The following RGL1 variants were observed in gnomAD, a reference collection of about 807,000 sequenced individuals.
The protein encoded by RGL1 is ral guanine nucleotide dissociation stimulator-like 1.
Under a neutral mutation model 95.2 loss-of-function variants are expected in RGL1, and 24 were observed. The observed-to-expected ratio is 0.25, with a 90% CI of 0.18 to 0.35. The LOEUF (loss-of-function observed/expected upper bound fraction) is 0.35, where lower values mean the gene tolerates loss of function less well. Among genes scored for constraint, RGL1 ranks in the 10% least tolerant of loss-of-function variants. The pLI is 1.00. For synonymous variants in RGL1, 329 were observed against 344.9 expected (o/e 0.95, Z 0.51); for missense variants, 715 against 936.3 (o/e 0.76, Z 3.08).
At chr1:183,914,430 T>C (rs575031989) in intron 15 of RGL1, among the ~76,000 whole-genome samples, 1 of 152,294 alleles carries the variant, frequency 6.6e-6, no homozygotes, top group Admixed American at 6.5e-5. Context: ...AAGTAGCTCC[T>C]GGACTGCACA....
intron 2 of RGL1, among the ~76,000 whole-genome samples, chr1:183,820,934 AC>A (rs1476149559): frequency 2.0e-5 from 3 of 152,010 alleles, no homozygotes; most frequent in Admixed American, 1.3e-4. Flanking sequence ...GGAGTTTGAG[AC>A]CAGCCTGGCC....
At position 183,912,170 on chromosome 1, in the gene RGL1, A is replaced by G; in HGVS notation, c.1651A>G (p.Met551Val). ...TGCCAGCGGGAGCTCTGGTGAAAGC[A>G]TGGACTCTGTCAGCGTGTCATCCTG... ...STASGSSGES[M>V]DSVSVSSCES... is the part of the protein sequence containing the mutation. The change falls in exon 15 of 18, where the codon ATG becomes GTG. Residue 551 changes from methionine (M) to valine (V), a missense_variant. Met to Val is a conservative substitution (Grantham distance 21, BLOSUM62 1). Coordinates refer to ENST00000360851, the MANE Select transcript of RGL1 (RefSeq NM_001297671.3). 2 of 1,614,106 alleles carry G rather than the reference A, an allele frequency of 1.2e-6. No homozygotes were observed. The highest frequency in any genetic ancestry group is 1.7e-6 in the Non-Finnish European group (2 of 1,180,018).
rs149185305 is a variant in RGL1 at position 183,647,819 on chromosome 1, A to C, written c.-33+11318A>C. ...TTTCCTGGAATGACATTTGAGGCAT[A>C]TTTAAGTGCCTTACGATATTCCTGG... On this transcript the variant is annotated intron_variant, in intron 1 of 18. Coordinates refer to the RGL1 transcript ENST00000304685. 15 of 1,614,178 alleles carry C rather than the reference A, an allele frequency of 9.3e-6. No homozygotes were observed. The South Asian group carries it at 1.4e-4, about 15-fold the overall frequency.
At chr1:183,658,513 C>G (rs934808770) in intron 1 of RGL1, among the ~76,000 whole-genome samples, 2 of 152,096 alleles carry the variant, frequency 1.3e-5, no homozygotes, top group African/African-American at 4.8e-5. Flanking sequence ...GGGAGGGGTG[C>G]CCGCCATTGC....
intron 2 of RGL1, among the ~76,000 whole-genome samples, chr1:183,776,036 T>C (rs1572398082): frequency 6.6e-6 from 1 of 152,302 alleles, no homozygotes; most frequent in East Asian, 1.9e-4. Context: ...TTCCTACCTT[T>C]ATAAATATAG....
At chr1:183,738,172 CA>C (rs1279665100) in intron 1 of RGL1, among the ~76,000 whole-genome samples, 3 of 152,200 alleles carry the variant, frequency 2.0e-5, no homozygotes, top group Non-Finnish European at 4.4e-5. Flanking sequence ...GTAATTTCAG[CA>C]CTTTGGGAGG....
intron 2 of RGL1, among the ~76,000 whole-genome samples, chr1:183,790,805 A>G (rs1380750248): frequency 2.6e-5 from 4 of 152,152 alleles, no homozygotes; most frequent in Non-Finnish European, 5.9e-5. Flanking sequence ...GGTTTATGTT[A>G]TTCTGGAAAT....
intron 4 of RGL1, among the ~76,000 whole-genome samples, chr1:183,869,776 T>C (rs61211844): frequency 0.16 from 24,558 of 152,166 alleles, 2,879 homozygotes; most frequent in African/African-American, 0.32. Flanking sequence ...CAGGGAAGCA[T>C]CTTCTCCCAT....
At chr1:183,855,167 T>C (rs937267111) in intron 3 of RGL1, among the ~76,000 whole-genome samples, 1 of 152,214 alleles carries the variant, frequency 6.6e-6, no homozygotes, top group African/African-American at 2.4e-5. Flanking sequence ...GGTCCAGCAG[T>C]GAACATTGCC....
intron 1 of RGL1, among the ~76,000 whole-genome samples, chr1:183,664,735 G>A (rs1651913674): frequency 1.3e-5 from 2 of 152,122 alleles, no homozygotes; most frequent in South Asian, 4.1e-4. Context: ...TGTTAACTTT[G>A]TATCCTGTAA....
intron 2 of RGL1, among the ~76,000 whole-genome samples, chr1:183,767,773 T>C (rs1270269235): frequency 5.9e-5 from 9 of 152,108 alleles, no homozygotes. Flanking sequence ...GCCAACATAG[T>C]GAAACCCCAT....
intron 12 of RGL1, 86 bp downstream of exon 12, chr1:183,902,686 G>A: frequency 1.5e-6 from 2 of 1,314,712 alleles, no homozygotes; most frequent in African/African-American, 1.5e-5. Context: ...TGTAGAGGCA[G>A]AAAAAAATGA....
chr1:183,800,598 T>C (rs1660937392), upstream of RGL1, among the ~76,000 whole-genome samples: 1 of 152,228 alleles, frequency 6.6e-6, no homozygotes, highest in African/African-American at 2.4e-5. Context: ...CAAAGATCTC[T>C]AGAACTTATT....
intron 1 of RGL1, among the ~76,000 whole-genome samples, chr1:183,650,799 T>C (rs1650691330): frequency 2.6e-5 from 4 of 151,842 alleles, no homozygotes; most frequent in Admixed American, 2.0e-4. Flanking sequence ...ACCAATCTTA[T>C]CACATTCTCT....
At chr1:183,700,350 G>A (rs1654514106) in intron 1 of RGL1, among the ~76,000 whole-genome samples, 1 of 151,774 alleles carries the variant, frequency 6.6e-6, no homozygotes, top group Non-Finnish European at 1.5e-5. Context: ...AGGAGCATCT[G>A]TATAGTATCA....
At chr1:183,832,893 A>C in intron 2 of RGL1, among the ~76,000 whole-genome samples, 1 of 152,152 alleles carries the variant, frequency 6.6e-6, no homozygotes, top group East Asian at 1.9e-4. Context: ...GGCGGGAATC[A>C]ATAGTGCCGA....
chr1:183,766,409 G>C (rs1658969067), intron 2 of RGL1, among the ~76,000 whole-genome samples: 1 of 151,870 alleles, frequency 6.6e-6, no homozygotes, highest in Non-Finnish European at 1.5e-5. Flanking sequence ...CACAGCTAAA[G>C]TAATTTGAGA....
rs541479641 is a variant in RGL1, at chr1:183,830,584, G to T, written c.139-16982G>T. Among the ~76,000 whole-genome samples the T allele has an allele frequency of 2.0e-5, 3 of 152,136 alleles. No individual in the cohort carries two copies. The South Asian group carries it at 6.2e-4, about 32-fold the overall frequency. On this transcript the variant is annotated intron_variant, in intron 2 of 17. Transcript: ENST00000360851. ...AGTTGGCCCAGTGGCATCTACATCA[G>T]ATAGAACAATAAGAGCAATGTCAGC...
intron 3 of RGL1, 79 bp from the exon 4 acceptor site, chr1:183,865,917 T>C: frequency 1.1e-6 from 1 of 920,736 alleles, no homozygotes; most frequent in Non-Finnish European, 1.8e-6. Flanking sequence ...TAACTGTCAC[T>C]TTGTAGTTGA....
Sources: allele counts gnomAD v4.1 joint callset (sites outside exome capture counted in the v4.1 genomes callset), GRCh38; gene constraint gnomAD v4.1.1; transcripts MANE v1.5; gene names NCBI Gene and HGNC (gene_info 2026-07-23, HGNC 2026-07-21).